ARHGAP25: variants seen among roughly 807,000 people sequenced by gnomAD.
ARHGAP25 encodes Rho GTPase activating protein 25.
In ARHGAP25, 34 loss-of-function variants were observed where a neutral mutation model predicts 71.0. The observed-to-expected ratio is 0.48, with a 90% CI of 0.36 to 0.64. The LOEUF (loss-of-function observed/expected upper bound fraction) is 0.64, where lower values mean the gene tolerates loss of function less well. Among genes scored for constraint, ARHGAP25 ranks in the 30% least tolerant of loss-of-function variants. The pLI, the probability that ARHGAP25 is intolerant of heterozygous loss-of-function variation, is 0.00. For synonymous variants in ARHGAP25, 282 were observed against 296.5 expected (o/e 0.95, Z 0.50); for missense variants, 706 against 805.1 (o/e 0.88, Z 1.49).
intron 4 of ARHGAP25, among the ~76,000 whole-genome samples, chr2:68,793,329 G>T (rs760457293): frequency 2.0e-5 from 3 of 152,098 alleles, no homozygotes; most frequent in Non-Finnish European, 4.4e-5. Flanking sequence ...TGAGGCCTTA[G>T]TCATGAATTC....
chr2:68,820,693 A>G (rs1251422193), intron 9 of ARHGAP25, among the ~76,000 whole-genome samples: 1 of 152,200 alleles, frequency 6.6e-6, no homozygotes, highest in Non-Finnish European at 1.5e-5. Flanking sequence ...AAAAGATAGA[A>G]AAAGGTATAC....
intron 3 of ARHGAP25, among the ~76,000 whole-genome samples, chr2:68,786,926 C>A (rs550562599): frequency 6.6e-6 from 1 of 152,212 alleles, no homozygotes; most frequent in Non-Finnish European, 1.5e-5. Context: ...TTCTTGTCCC[C>A]GCTAAGACCT....
At chr2:68,722,333 T>C (rs780803506) in intron 2 of ARHGAP25, among the ~76,000 whole-genome samples, 1 of 152,158 alleles carries the variant, frequency 6.6e-6, no homozygotes, top group African/African-American at 2.4e-5. Flanking sequence ...ATCCCAGCAC[T>C]TTGGGAGGCC....
intron 4 of ARHGAP25, among the ~76,000 whole-genome samples, chr2:68,788,741 C>T (rs1273154619): frequency 2.0e-5 from 3 of 152,228 alleles, no homozygotes; most frequent in East Asian, 1.9e-4. Flanking sequence ...TTTAGGAGCA[C>T]GCCTACTTGT....
chr2:68,766,078 T>C (rs1042299387), intron 1 of ARHGAP25, among the ~76,000 whole-genome samples: 3 of 152,204 alleles, frequency 2.0e-5, no homozygotes, highest in African/African-American at 7.2e-5. Context: ...ATGCACTTAT[T>C]TATTTATGAA....
At chr2:68,821,092 C>CTTTTTTTTTTTTTTTTTTTT (rs34119311) in intron 9 of ARHGAP25, among the ~76,000 whole-genome samples, 2 of 99,430 alleles carry the variant, frequency 2.0e-5, no homozygotes, top group Non-Finnish European at 3.7e-5. Context: ...CTTTTTCTTT[C>CTTTTTTTTTTTTTTTTTTTT]TTTTTTTTTT....
At chr2:68,778,793 G>T (rs1274933395) in intron 2 of ARHGAP25, among the ~76,000 whole-genome samples, 1 of 152,182 alleles carries the variant, frequency 6.6e-6, no homozygotes, top group Non-Finnish European at 1.5e-5. Context: ...CTAGCGTCCG[G>T]CAAAGGAGAA....
At chr2:68,776,070 G>T (rs1227871871) in intron 2 of ARHGAP25, among the ~76,000 whole-genome samples, 1 of 152,170 alleles carries the variant, frequency 6.6e-6, no homozygotes, top group Non-Finnish European at 1.5e-5. Context: ...AGAGGAGAGG[G>T]AATAAGCTGG....
chr2:68,799,712 G>A (rs1211479007), intron 4 of ARHGAP25, among the ~76,000 whole-genome samples: 1 of 152,212 alleles, frequency 6.6e-6, no homozygotes, highest in Admixed American at 6.5e-5. Flanking sequence ...GGAGAGTCCT[G>A]TGTGTAAAGG....
intron 1 of ARHGAP25, among the ~76,000 whole-genome samples, chr2:68,748,124 C>T (rs1675945587): frequency 6.6e-6 from 1 of 152,162 alleles, no homozygotes. Flanking sequence ...CTCCACCCAC[C>T]TGTAGTCCTC....
intron 4 of ARHGAP25, among the ~76,000 whole-genome samples, chr2:68,793,208 T>C (rs1240357154): frequency 6.6e-6 from 1 of 152,228 alleles, no homozygotes; most frequent in African/African-American, 2.4e-5. Flanking sequence ...GCAGCTATTT[T>C]CTCCCATTTA....
At chr2:68,808,386 C>A (rs1680531640) in intron 5 of ARHGAP25, among the ~76,000 whole-genome samples, 1 of 152,160 alleles carries the variant, frequency 6.6e-6, no homozygotes, top group Admixed American at 6.5e-5. Context: ...ACCTAAGTGT[C>A]ATCTTGTGTA....
At chr2:68,724,327 G>T (rs893931951) in intron 2 of ARHGAP25, among the ~76,000 whole-genome samples, 1 of 152,130 alleles carries the variant, frequency 6.6e-6, no homozygotes. Context: ...TAAACATCTG[G>T]TCTCTAAGCT....
chr2:68,815,602 C>T (rs935475668), intron 6 of ARHGAP25, among the ~76,000 whole-genome samples: 9 of 152,072 alleles, frequency 5.9e-5, no homozygotes, highest in African/African-American at 2.2e-4. Context: ...AGCCGTCCGC[C>T]ACCACGCCCG....
intron 4 of ARHGAP25, among the ~76,000 whole-genome samples, chr2:68,793,025 T>G (rs1043331655): frequency 6.6e-6 from 1 of 152,228 alleles, no homozygotes; most frequent in African/African-American, 2.4e-5. Context: ...TGATGATTAT[T>G]AATGTTGAGG....
intron 1 of ARHGAP25, among the ~76,000 whole-genome samples, chr2:68,746,707 C>CCG (rs1225782724): frequency 2.7e-5 from 4 of 150,198 alleles, no homozygotes; most frequent in Non-Finnish European, 5.9e-5. Context: ...GGGACCACCC[C>CCG]CCTCCCCATC....
At position 68,735,094 on chromosome 2, in the gene ARHGAP25, AACAAAAACAGAC is replaced by A; in HGVS notation, c.-94_-83del. 1.0e-6 allele frequency: 1 copy of A among 995,182 alleles called. No individual in the cohort carries two copies. Among genetic ancestry groups the A allele is most frequent in the Non-Finnish European group, 1.6e-6 (1 of 619,042 alleles). The allele number at this position is 995,182 out of a possible 1,614,324, so 61.6% of individuals were successfully genotyped here. A position where few individuals can be genotyped will look rare whatever the true frequency, so the allele number is the denominator to read the frequency against. The stretch of plus-strand genomic sequence containing the variant: ...TGCTTGTGAAGCAATCATAAGGAGG[AACAAAAACAGAC>A]ACAAAAACAGAGGGAAAGAGTGAAA... On this transcript the variant is annotated 5_prime_UTR_variant, in exon 1 of 11. Transcript: ENST00000409202.
intron 2 of ARHGAP25, among the ~76,000 whole-genome samples, chr2:68,716,975 A>G (rs1674625982): frequency 6.6e-6 from 1 of 152,254 alleles, no homozygotes. Context: ...AGTTAAATAC[A>G]GTCACACATC....
At chr2:68,807,897 C>A (rs17035964) in intron 5 of ARHGAP25, among the ~76,000 whole-genome samples, 1 of 152,056 alleles carries the variant, frequency 6.6e-6, no homozygotes, top group African/African-American at 2.4e-5. Context: ...AGGGCACCAG[C>A]GGCTTTCGTT....
Sources: allele counts gnomAD v4.1 joint callset (sites outside exome capture counted in the v4.1 genomes callset), GRCh38; gene constraint gnomAD v4.1.1; transcripts MANE v1.5; gene names NCBI Gene and HGNC (gene_info 2026-07-23, HGNC 2026-07-21).